TBC1D15: variants seen among roughly 807,000 people sequenced by gnomAD.
The protein encoded by TBC1D15 is TBC1 domain family member 15.
A neutral mutation model predicts 95.4 loss-of-function variants in TBC1D15; 39 were observed. That is an observed-to-expected ratio of 0.41 (90% CI 0.32 to 0.53). TBC1D15 has a LOEUF of 0.53. Ranked by LOEUF, TBC1D15 falls within the 20% of genes least tolerant of loss-of-function variation. The pLI is 0.29. For synonymous variants in TBC1D15, 258 were observed against 261.3 expected (o/e 0.99, Z 0.12); for missense variants, 733 against 794.3 (o/e 0.92, Z 0.93).
intron 3 of TBC1D15, among the ~76,000 whole-genome samples, chr12:71,874,173 G>A (rs1781897761): frequency 6.6e-6 from 1 of 152,148 alleles, no homozygotes; most frequent in South Asian, 2.1e-4. Context: ...TTGCTTTAAT[G>A]GCAAACACCG....
chr12:71,843,633 T>C (rs2137788134), intron 1 of TBC1D15, among the ~76,000 whole-genome samples: 1 of 152,232 alleles, frequency 6.6e-6, no homozygotes, highest in East Asian at 1.9e-4. Context: ...AAACACAGAC[T>C]TGTATTATTA....
At chr12:71,863,816 TA>T (rs1437533198) in intron 1 of TBC1D15, among the ~76,000 whole-genome samples, 2 of 152,140 alleles carry the variant, frequency 1.3e-5, no homozygotes, top group East Asian at 1.9e-4. Flanking sequence ...AGCTCTCTTT[TA>T]TTTTTTTATT....
intron 11 of TBC1D15, among the ~76,000 whole-genome samples, chr12:71,910,480 C>A (rs7975777): frequency 0.026 from 3,893 of 151,478 alleles, 171 homozygotes; most frequent in African/African-American, 0.089. Flanking sequence ...GATATTGATT[C>A]TTCCTACCCA....
chr12:71,853,236 T>C (rs1888265228), intron 1 of TBC1D15, among the ~76,000 whole-genome samples: 1 of 152,068 alleles, frequency 6.6e-6, no homozygotes, highest in African/African-American at 2.4e-5. Flanking sequence ...CCACATACTT[T>C]TAAACAAAAT....
chr12:71,885,479 A>G (rs1896048372), intron 5 of TBC1D15, among the ~76,000 whole-genome samples: 1 of 152,208 alleles, frequency 6.6e-6, no homozygotes, highest in African/African-American at 2.4e-5. Context: ...TCATTTAGTT[A>G]CTGTGTGCAT....
chr12:71,887,733 C>T (rs760480684), intron 5 of TBC1D15, among the ~76,000 whole-genome samples: 2 of 152,140 alleles, frequency 1.3e-5, no homozygotes, highest in Non-Finnish European at 2.9e-5. Flanking sequence ...TGTTTGCTTC[C>T]TTCATGGCAT....
chr12:71,896,746 AAGG>A lies in TBC1D15; in HGVS notation c.1059_1061del (p.Glu354del), dbSNP rs1898262484. 6.2e-7 allele frequency: 1 copy of A among 1,612,518 alleles called. No homozygotes were observed. The highest frequency in any genetic ancestry group is 1.7e-5 in the Admixed American group (1 of 59,820). On this transcript the variant is annotated inframe_deletion, in exon 9 of 17. Transcript: ENST00000485960. ...GGGTTATTTTCCCTGGGACAGTACCAAGGAGGAAAGAACCCAATTACAAAAGCA... is the reference window on the plus strand; with the variant it reads ...GGGTTATTTTCCCTGGGACAGTACCAAGGAAAGAACCCAATTACAAAAGCA...
At chr12:71,901,611 C>T (rs762564563) in intron 10 of TBC1D15, among the ~76,000 whole-genome samples, 14 of 151,978 alleles carry the variant, frequency 9.2e-5, no homozygotes, top group Non-Finnish European at 1.9e-4. Context: ...TACATAACCT[C>T]AAAATAATAA....
At chr12:71,850,838 T>C (rs1334933506) in intron 1 of TBC1D15, among the ~76,000 whole-genome samples, 5 of 151,686 alleles carry the variant, frequency 3.3e-5, no homozygotes, top group African/African-American at 1.2e-4. Flanking sequence ...AATACAAAAA[T>C]TAGCCAGGTG....
intron 1 of TBC1D15, among the ~76,000 whole-genome samples, chr12:71,842,939 A>G (rs570563979): frequency 6.6e-6 from 1 of 152,084 alleles, no homozygotes; most frequent in South Asian, 2.1e-4. Context: ...ATCCTATTGT[A>G]GTACACTTCA....
At chr12:71,894,970 C>T in intron 7 of TBC1D15, 87 bp downstream of exon 7, 1 of 1,265,284 alleles carries the variant, frequency 7.9e-7, no homozygotes, top group Non-Finnish European at 1.1e-6. Context: ...TTGGTGATAT[C>T]TGCTTCTTTC....
intron 4 of TBC1D15, among the ~76,000 whole-genome samples, chr12:71,881,567 A>G (rs755535324): frequency 1.3e-4 from 20 of 152,160 alleles, no homozygotes; most frequent in Non-Finnish European, 2.2e-4. Context: ...TAGCTTAGCA[A>G]AAAACGACAG....
intron 10 of TBC1D15, among the ~76,000 whole-genome samples, chr12:71,905,434 T>C (rs1473806176): frequency 6.6e-6 from 1 of 152,138 alleles, no homozygotes; most frequent in Non-Finnish European, 1.5e-5. Flanking sequence ...CAGATGGTTC[T>C]CCAACCTCAG....
At chr12:71,843,652 A>G (rs977994745) in intron 1 of TBC1D15, among the ~76,000 whole-genome samples, 1 of 151,996 alleles carries the variant, frequency 6.6e-6, no homozygotes, top group African/African-American at 2.4e-5. Flanking sequence ...TATTATTATT[A>G]TTGTTAATTT....
At chr12:71,852,985 A>G (rs1888204225) in intron 1 of TBC1D15, among the ~76,000 whole-genome samples, 1 of 152,208 alleles carries the variant, frequency 6.6e-6, no homozygotes, top group Non-Finnish European at 1.5e-5. Flanking sequence ...AGCAATGCCC[A>G]TTTCTGATAC....
intron 5 of TBC1D15, among the ~76,000 whole-genome samples, chr12:71,887,776 T>C (rs1896523070): frequency 6.6e-6 from 1 of 152,236 alleles, no homozygotes; most frequent in Non-Finnish European, 1.5e-5. Flanking sequence ...TCTATTCTTT[T>C]GTGTTTTACT....
intron 11 of TBC1D15, among the ~76,000 whole-genome samples, chr12:71,911,542 A>G (rs1240234709): frequency 1.1e-4 from 16 of 146,492 alleles, no homozygotes; most frequent in African/African-American, 3.8e-4. Flanking sequence ...CAAACACCGC[A>G]TGTTCTCACT....
chr12:71,914,208 T>C (rs1227660528), intron 12 of TBC1D15, among the ~76,000 whole-genome samples: 1 of 151,962 alleles, frequency 6.6e-6, no homozygotes, highest in Non-Finnish European at 1.5e-5. Flanking sequence ...CATTACAGAA[T>C]ATTGATAAAA....
chr12:71,875,861 G>T (rs1893697600), intron 3 of TBC1D15, among the ~76,000 whole-genome samples: 1 of 151,974 alleles, frequency 6.6e-6, no homozygotes, highest in South Asian at 2.1e-4. Flanking sequence ...ACCGTGGCAT[G>T]ATCTCGGCTC....
Sources: gnomAD v4.1 joint callset for allele counts (sites outside exome capture counted in the v4.1 genomes callset) on GRCh38, gnomAD v4.1.1 for gene constraint, MANE v1.5 for transcripts, NCBI Gene and HGNC (gene_info 2026-07-23, HGNC 2026-07-21) for gene names.